The following PKD1L1 variants were observed in gnomAD, a reference collection of about 807,000 sequenced individuals.
PKD1L1 encodes the protein polycystin 1 like 1, transient receptor potential channel interacting, also known as polycystin-1-like protein 1.
In PKD1L1, 236 loss-of-function variants were observed where a neutral mutation model predicts 323.4. The observed-to-expected ratio is 0.73, with a 90% CI of 0.66 to 0.81. The LOEUF is 0.81. Ranked by LOEUF, PKD1L1 falls within the 40% of genes least tolerant of loss-of-function variation. The probability of loss-of-function intolerance (pLI) is 0.00; values close to 1 mark genes in which losing one functional copy is unlikely to be tolerated. For synonymous variants in PKD1L1, 1,344 were observed against 1,335.0 expected, an observed-to-expected ratio of 1.01 and a Z score of -0.15; for missense variants, 3,320 against 3,508.0, an observed-to-expected ratio of 0.95 and a Z score of 1.35.
Position 47,929,149 on chromosome 7 carries a change from C to T in PKD1L1, c.1060+55G>A. 4 of 1,530,796 alleles carry T rather than the reference C, an allele frequency of 2.6e-6. No homozygotes were observed. In the South Asian group the frequency reaches 3.7e-5, roughly 14 times the overall value. The allele number at this position is 1,530,796 out of a possible 1,614,324, so 94.8% of individuals were successfully genotyped here. A position where few individuals can be genotyped will look rare whatever the true frequency, so the allele number is the denominator to read the frequency against. On this transcript the variant is annotated intron_variant, in intron 7 of 56. Transcript: ENST00000289672. Reference sequence around the variant, plus strand: ...CTTTTCCCAACACTGCCTCTTGGGTCCCCTAGCTCAGGACCTCCTTCCCAG... The same window carrying T: ...CTTTTCCCAACACTGCCTCTTGGGTTCCCTAGCTCAGGACCTCCTTCCCAG...
At chr7:47,804,469 A>ATTTTTTTTT (rs71966592) in intron 52 of PKD1L1, among the ~76,000 whole-genome samples, 3 of 123,040 alleles carry the variant, frequency 2.4e-5, no homozygotes, top group East Asian at 2.4e-4. Context: ...TACATTTTTA[A>ATTTTTTTTT]TTTTTTTTTT....
chr7:47,787,452 G>A (rs1786833867), intron 56 of PKD1L1, among the ~76,000 whole-genome samples: 1 of 152,096 alleles, frequency 6.6e-6, no homozygotes, highest in Admixed American at 6.6e-5. Flanking sequence ...AGTCATAAGG[G>A]CAAAGACAGC....
chr7:47,878,602 A>T lies in PKD1L1; in HGVS notation c.3521-971T>A, dbSNP rs570332934. The stretch of plus-strand genomic sequence containing the variant: ...CAAAAGTAAAACCCAGGAGAAAAGG[A>T]TGATGAATCCTGCCTGGCTGACCAG... On this transcript the variant is annotated intron_variant, in intron 21 of 56. Transcript: ENST00000289672. Among the ~76,000 whole-genome samples, 152 of 152,340 alleles carry T rather than the reference A, an allele frequency of 1.0e-3. 2 individuals carry two copies. Among genetic ancestry groups the T allele is most frequent in the African/African-American group, 3.5e-3 (145 of 41,574 alleles).
At chr7:47,860,688 T>G (rs1240916037) in intron 26 of PKD1L1, among the ~76,000 whole-genome samples, 1 of 152,240 alleles carries the variant, frequency 6.6e-6, no homozygotes, top group African/African-American at 2.4e-5. Flanking sequence ...ATGCCCACTT[T>G]CACAATGCCC....
intron 44 of PKD1L1, among the ~76,000 whole-genome samples, chr7:47,828,683 T>G (rs1235866315): frequency 6.6e-6 from 1 of 152,188 alleles, no homozygotes; most frequent in African/African-American, 2.4e-5. Context: ...ATAGCCTGTG[T>G]GCACCACCCA....
intron 56 of PKD1L1, among the ~76,000 whole-genome samples, chr7:47,785,013 T>C (rs892856740): frequency 1.3e-4 from 20 of 152,068 alleles, no homozygotes; most frequent in Admixed American, 2.0e-4. Context: ...GCCACAGTGG[T>C]GGAGAGAAAG....
chr7:47,805,191 G>A (rs945765756), intron 52 of PKD1L1, among the ~76,000 whole-genome samples: 4 of 152,116 alleles, frequency 2.6e-5, no homozygotes, highest in African/African-American at 9.7e-5. Context: ...AGAAAGTTAA[G>A]AAACTTGCCC....
Position 47,904,586 on chromosome 7 carries a change from T to A in PKD1L1, c.1723A>T (p.Met575Leu), listed in dbSNP as rs755685195. 4 of 1,613,822 alleles carry A rather than the reference T, an allele frequency of 2.5e-6. No homozygotes were observed. The South Asian group carries it at 3.3e-5, about 13-fold the overall frequency. ...YRVMVKASNR[M>L]SSVVSEPHVI... is the part of the protein sequence containing the mutation. ...TGGGGCTCAGAGACCACACTGCTCA[T>A]CCTGTTGGAAGCCTTAACCATCACA... The change falls in exon 12 of 57, where the codon ATG (methionine) becomes TTG (leucine). Residue 575 changes from methionine to leucine, a missense_variant. By Grantham distance (15) the Met-to-Leu change is conservative. Transcript: ENST00000289672.
chr7:47,884,466 G>C, intron 19 of PKD1L1, 132 bp downstream of exon 19: 3 of 802,050 alleles, frequency 3.7e-6, no homozygotes, highest in Non-Finnish European at 6.3e-6. Context: ...CCATGTAAGA[G>C]TTCAACTTTT....
At chr7:47,811,713 G>A in intron 50 of PKD1L1, 104 bp downstream of exon 50, 4 of 864,946 alleles carry the variant, frequency 4.6e-6, no homozygotes, top group East Asian at 5.3e-5. Context: ...GGAGGGGCAG[G>A]TGAATGGGTA....
At position 47,812,219 on chromosome 7, in the gene PKD1L1, G is replaced by C. The variant is rs145245640; in HGVS notation, c.7347-168C>G. Among the ~76,000 whole-genome samples, 3 of 152,210 alleles carry C rather than the reference G, an allele frequency of 2.0e-5. No homozygotes were observed. The East Asian group carries it at 5.8e-4, about 30-fold the overall frequency. ...AGGACAGATGGCCCTCTGTATCTAA[G>C]AGACCTCATCAATAGCCCTCTGTCC... On this transcript the variant is annotated intron_variant, in intron 49 of 56. Transcript: ENST00000289672.
chr7:47,957,854 TAAA>T, the PKD1L1 span, among the ~76,000 whole-genome samples: 431 of 118,092 alleles, frequency 3.6e-3, 9 homozygotes, highest in African/African-American at 0.012. Context: ...ACAATACAAT[TAAA>T]AAAAAATATA....
intron 56 of PKD1L1, among the ~76,000 whole-genome samples, chr7:47,777,927 G>T (rs1037986470): frequency 1.3e-5 from 2 of 152,238 alleles, no homozygotes; most frequent in African/African-American, 4.8e-5. Context: ...CTCTATAGGG[G>T]CTGTGAGGAG....
intron 52 of PKD1L1, among the ~76,000 whole-genome samples, chr7:47,805,335 A>T (rs1784754996): frequency 6.6e-6 from 1 of 152,204 alleles, no homozygotes; most frequent in Non-Finnish European, 1.5e-5. Context: ...TTAGAAAGTC[A>T]TTTGTGTTTA....
chr7:47,881,427 G>C (rs572865997), intron 20 of PKD1L1, among the ~76,000 whole-genome samples: 23 of 152,322 alleles, frequency 1.5e-4, no homozygotes, highest in African/African-American at 4.8e-4. Flanking sequence ...GTGAAATCCA[G>C]ATCCTCCCCA....
chr7:47,934,896 G>A (rs1787838424), intron 4 of PKD1L1, among the ~76,000 whole-genome samples: 1 of 152,150 alleles, frequency 6.6e-6, no homozygotes, highest in African/African-American at 2.4e-5. Context: ...ACAGGCCAGA[G>A]GTTTGCTCAC....
At chr7:47,872,622 A>G (rs1786306024) in intron 24 of PKD1L1, among the ~76,000 whole-genome samples, 1 of 152,232 alleles carries the variant, frequency 6.6e-6, no homozygotes, top group Non-Finnish European at 1.5e-5. Context: ...GAGAAACGCA[A>G]GTCCAAACCT....
intron 6 of PKD1L1, 101 bp downstream of exon 6, chr7:47,931,003 C>G: frequency 8.2e-7 from 1 of 1,221,488 alleles, no homozygotes; most frequent in African/African-American, 1.5e-5. Context: ...ATAATTAAAG[C>G]AAACAACGAA....
intron 8 of PKD1L1, among the ~76,000 whole-genome samples, chr7:47,911,229 ACT>A (rs1392556578): frequency 6.6e-6 from 1 of 151,590 alleles, no homozygotes; most frequent in Non-Finnish European, 1.5e-5. Flanking sequence ...GTGGCATCTC[ACT>A]CTCTCTCATT....
Sources: gnomAD v4.1 joint callset for allele counts (sites outside exome capture counted in the v4.1 genomes callset) on GRCh38, gnomAD v4.1.1 for gene constraint, MANE v1.5 for transcripts, NCBI Gene and HGNC (gene_info 2026-07-23, HGNC 2026-07-21) for gene names.